The following SDK1 variants were observed in gnomAD, a reference collection of about 807,000 sequenced individuals.
SDK1 encodes the protein protein sidekick-1.
In SDK1, 157 loss-of-function variants were observed where a neutral mutation model predicts 245.5. The observed-to-expected ratio is 0.64, with a 90% CI of 0.56 to 0.73. SDK1 has a LOEUF of 0.73. Among genes scored for constraint, SDK1 ranks in the 30% least tolerant of loss-of-function variants. SDK1 has a pLI of 0.00. For synonymous variants in SDK1, 1,647 were observed against 1,278.5 expected (o/e 1.29, Z -6.15); for missense variants, 3,583 against 3,002.3 (o/e 1.19, Z -4.52).
intron 28 of SDK1, among the ~76,000 whole-genome samples, chr7:4,144,440 G>A (rs1437365040): frequency 1.6e-5 from 2 of 124,678 alleles, no homozygotes; most frequent in Admixed American, 1.7e-4. Context: ...GTCCCTGTCT[G>A]TGTGGCGGTG....
chr7:3,330,229 A>G lies in SDK1; in HGVS notation c.298+28345A>G, dbSNP rs73046663. On this transcript the variant is annotated intron_variant, in intron 1 of 44. Transcript: ENST00000404826. ...TACCTACAGGTGGAATTGCTGGGTC[A>G]TATAGTAACTGTTTAAGCATTTGAT... is the stretch of plus-strand genomic sequence containing the variant. Among the ~76,000 whole-genome samples the G allele has an allele frequency of 1.2e-3, 188 of 152,332 alleles. 4 individuals carry two copies. The South Asian group carries it at 0.017, about 14-fold the overall frequency.
At position 4,210,021 on chromosome 7, in the gene SDK1, C is replaced by G. The variant is rs766271937; in HGVS notation, c.5402-4C>G. On this transcript the variant is annotated splice_polypyrimidine_tract_variant and splice_region_variant and intron_variant, in intron 37 of 44. Transcript: ENST00000404826. ...AAAAGTCACTTTGTGTTCTATTCTC[C>G]CAGCCCCTGGGGCCCCCAGCTTTCT... is the stretch of plus-strand genomic sequence containing the variant. The G allele has an allele frequency of 4.4e-6, 7 of 1,573,218 alleles. No individual in the cohort carries two copies. Among genetic ancestry groups the G allele is most frequent in the African/African-American group, 1.4e-5 (1 of 73,524 alleles).
intron 19 of SDK1, among the ~76,000 whole-genome samples, chr7:4,054,011 T>C (rs898164923): frequency 3.9e-5 from 6 of 152,136 alleles, no homozygotes; most frequent in African/African-American, 1.4e-4. Flanking sequence ...CAATCTTGGC[T>C]CACTGCAACC....
At chr7:4,052,836 C>G (rs1173610361) in intron 19 of SDK1, among the ~76,000 whole-genome samples, 3 of 152,110 alleles carry the variant, frequency 2.0e-5, no homozygotes, top group African/African-American at 4.8e-5. Context: ...TGCCTGTAAT[C>G]CCAGCACTTT....
chr7:3,804,820 C>T (rs1394975546), intron 4 of SDK1, among the ~76,000 whole-genome samples: 1 of 152,064 alleles, frequency 6.6e-6, no homozygotes, highest in African/African-American at 2.4e-5. Context: ...TTGTCAGTGG[C>T]GTTATATTTT....
At chr7:3,480,423 C>T (rs188898686) in intron 1 of SDK1, among the ~76,000 whole-genome samples, 2 of 151,396 alleles carry the variant, frequency 1.3e-5, no homozygotes, top group East Asian at 1.9e-4. Flanking sequence ...CACATACGCT[C>T]ATGTAGGAAC....
intron 1 of SDK1, among the ~76,000 whole-genome samples, chr7:3,529,755 T>G (rs1783277647): frequency 6.6e-6 from 1 of 152,114 alleles, no homozygotes; most frequent in Non-Finnish European, 1.5e-5. Flanking sequence ...AAAACATGTA[T>G]TAATTACAGA....
At chr7:4,201,337 T>G (rs1783868360) in intron 35 of SDK1, among the ~76,000 whole-genome samples, 2 of 152,146 alleles carry the variant, frequency 1.3e-5, no homozygotes, top group South Asian at 4.1e-4. Flanking sequence ...GCGAGCAAGA[T>G]TTGCCAAGAA....
intron 2 of SDK1, among the ~76,000 whole-genome samples, chr7:3,633,857 A>C (rs1782376173): frequency 6.6e-6 from 1 of 151,880 alleles, no homozygotes; most frequent in Non-Finnish European, 1.5e-5. Flanking sequence ...AGCCACAGTC[A>C]CTCTGGAACT....
At chr7:3,473,474 G>T (rs538163773) in intron 1 of SDK1, among the ~76,000 whole-genome samples, 3 of 152,144 alleles carry the variant, frequency 2.0e-5, no homozygotes, top group Non-Finnish European at 4.4e-5. Flanking sequence ...ATTTACAAAA[G>T]TCTAGGCTGG....
chr7:3,480,452 G>A (rs561875355), intron 1 of SDK1, among the ~76,000 whole-genome samples: 20 of 151,448 alleles, frequency 1.3e-4, no homozygotes, highest in Middle Eastern at 6.8e-3. Flanking sequence ...GAACTTCCGT[G>A]TTCCAGATAA....
intron 1 of SDK1, among the ~76,000 whole-genome samples, chr7:3,502,574 C>G (rs974659888): frequency 1.3e-5 from 2 of 152,000 alleles, no homozygotes; most frequent in Non-Finnish European, 2.9e-5. Flanking sequence ...TAATAGCACC[C>G]CTAATGTATT....
At chr7:3,907,247 A>G (rs1457323338) in intron 5 of SDK1, among the ~76,000 whole-genome samples, 3 of 152,174 alleles carry the variant, frequency 2.0e-5, no homozygotes, top group African/African-American at 7.2e-5. Context: ...AAAATGTTTT[A>G]TCACCCAAAC....
At chr7:3,623,415 A>ATTAT (rs1436747104) in intron 2 of SDK1, among the ~76,000 whole-genome samples, 2 of 151,546 alleles carry the variant, frequency 1.3e-5, no homozygotes, top group Non-Finnish European at 2.9e-5. Context: ...TAATTTTTTT[A>ATTAT]TTATTAGTAG....
chr7:3,451,146 A>G (rs1780500320), intron 1 of SDK1, among the ~76,000 whole-genome samples: 1 of 152,078 alleles, frequency 6.6e-6, no homozygotes, highest in South Asian at 2.1e-4. Flanking sequence ...GGGCTGAGCG[A>G]GGGTGTGGGT....
intron 7 of SDK1, chr7:3,952,199 A>G (rs970864198): frequency 9.0e-6 from 4 of 446,108 alleles, no homozygotes; most frequent in Non-Finnish European, 1.2e-5. Flanking sequence ...CCCCTGTCAT[A>G]TAGATCCCTC....
intron 5 of SDK1, among the ~76,000 whole-genome samples, chr7:3,941,198 C>T (rs1051643997): frequency 6.6e-6 from 1 of 152,168 alleles, no homozygotes. Context: ...CCCCTTCTGT[C>T]ATACTCACCC....
intron 17 of SDK1, among the ~76,000 whole-genome samples, chr7:4,040,379 A>T (rs2128162031): frequency 6.6e-6 from 1 of 152,252 alleles, no homozygotes; most frequent in East Asian, 1.9e-4. Context: ...CTGAAAAACA[A>T]CTCACAACCT....
chr7:3,536,516 TAAAAC>T lies in SDK1; in HGVS notation c.299-82554_299-82550del, dbSNP rs367992603. Among the ~76,000 whole-genome samples the T allele has an allele frequency of 2.1e-3, 324 of 151,894 alleles. 3 individuals carry two copies. Among genetic ancestry groups the T allele is most frequent in the African/African-American group, 6.5e-3 (271 of 41,454 alleles). On this transcript the variant is annotated intron_variant, in intron 1 of 44. Coordinates refer to ENST00000404826, the MANE Select transcript of SDK1 (RefSeq NM_152744.4). ...AACTTGGCGAAACCCTGTTTCTACT[TAAAAC>T]AAAACAAAAAAACCCCACAAAAATT...
Sources: gnomAD v4.1 joint callset for allele counts (sites outside exome capture counted in the v4.1 genomes callset) on GRCh38, gnomAD v4.1.1 for gene constraint, MANE v1.5 for transcripts, NCBI Gene and HGNC (gene_info 2026-07-23, HGNC 2026-07-21) for gene names.